Variants in CAPS2 observed in about 807,000 individuals in gnomAD.
CAPS2 encodes calcyphosine 2.
Under a neutral mutation model 86.5 loss-of-function variants are expected in CAPS2, and 98 were observed. That is an observed-to-expected ratio of 1.13 (90% confidence interval 0.96 to 1.34). The LOEUF is 1.34. CAPS2 is among the 40% of genes most tolerant of loss of function. The pLI is 0.00. For synonymous variants in CAPS2, 210 were observed against 225.1 expected, an observed-to-expected ratio of 0.93 and a Z score of 0.60; for missense variants, 729 against 686.8, an observed-to-expected ratio of 1.06 and a Z score of -0.69.
intron 7 of CAPS2, among the ~76,000 whole-genome samples, chr12:75,312,354 T>C (rs2039324237): frequency 6.6e-6 from 1 of 152,206 alleles, no homozygotes; most frequent in Non-Finnish European, 1.5e-5. Context: ...GACAGCACAC[T>C]ATACTCCTTC....
intron 7 of CAPS2, chr12:75,306,299 C>T: frequency 1.7e-6 from 1 of 597,060 alleles, no homozygotes. Context: ...TGGAGGAGGC[C>T]AGAGCTCTGC....
chr12:75,309,470 C>A (rs978186555), intron 7 of CAPS2, among the ~76,000 whole-genome samples: 15 of 152,218 alleles, frequency 9.9e-5, no homozygotes, highest in African/African-American at 3.6e-4. Context: ...CCTGTACACA[C>A]CTTTTAACAA....
intron 7 of CAPS2, chr12:75,305,866 C>T (rs1478925713): frequency 3.9e-6 from 3 of 766,814 alleles, no homozygotes; most frequent in Non-Finnish European, 7.1e-6. Flanking sequence ...TCGGGATGCA[C>T]CGCAGAGGCT....
chr12:75,287,364 G>C (rs1180265739), intron 14 of CAPS2, among the ~76,000 whole-genome samples: 1 of 151,802 alleles, frequency 6.6e-6, no homozygotes, highest in Non-Finnish European at 1.5e-5. Flanking sequence ...TTGTCTAATT[G>C]TAGGCCATAA....
At chr12:75,302,900 A>C (rs2037987562) in intron 8 of CAPS2, among the ~76,000 whole-genome samples, 1 of 152,230 alleles carries the variant, frequency 6.6e-6, no homozygotes, top group Non-Finnish European at 1.5e-5. Flanking sequence ...TGGTGCAACA[A>C]GAACACTCAT....
At chr12:75,350,719 A>T (rs980013908) in intron 1 of CAPS2, among the ~76,000 whole-genome samples, 29 of 152,342 alleles carry the variant, frequency 1.9e-4, no homozygotes, top group African/African-American at 7.0e-4. Context: ...TCAAAGGTAG[A>T]TAAACCCTTG....
chr12:75,356,207 G>T (rs754099373), intron 1 of CAPS2, among the ~76,000 whole-genome samples: 1 of 151,962 alleles, frequency 6.6e-6, no homozygotes, highest in East Asian at 1.9e-4. Flanking sequence ...TGGACATAAT[G>T]CAAAAGAAGC....
chr12:75,346,896 T>C (rs1349589864), intron 1 of CAPS2, among the ~76,000 whole-genome samples: 2 of 152,160 alleles, frequency 1.3e-5, no homozygotes, highest in East Asian at 3.8e-4. Flanking sequence ...TGAATTATTT[T>C]TCAAATGGAG....
chr12:75,323,541 C>T (rs745899886), intron 2 of CAPS2, among the ~76,000 whole-genome samples: 7 of 152,208 alleles, frequency 4.6e-5, no homozygotes, highest in South Asian at 2.1e-4. Flanking sequence ...GTCGGGAGAT[C>T]GAGACCAGCC....
intron 7 of CAPS2, chr12:75,305,323 G>A: frequency 3.6e-6 from 1 of 280,970 alleles, no homozygotes; most frequent in South Asian, 5.6e-5. Context: ...CATCCTAGAA[G>A]AGGAGATATT....
chr12:75,380,805 A>G (rs2044921833), intron 1 of CAPS2, among the ~76,000 whole-genome samples: 1 of 152,164 alleles, frequency 6.6e-6, no homozygotes, highest in Non-Finnish European at 1.5e-5. Context: ...AGCTAAACAT[A>G]TTTTCATAAA....
At chr12:75,388,984 T>TA (rs887699599) in intron 1 of CAPS2, among the ~76,000 whole-genome samples, 35 of 151,784 alleles carry the variant, frequency 2.3e-4, no homozygotes, top group Middle Eastern at 3.4e-3. Flanking sequence ...AAGGAATTGG[T>TA]AAAAAAAACA....
intron 1 of CAPS2, among the ~76,000 whole-genome samples, chr12:75,340,202 G>A (rs1237437726): frequency 1.3e-5 from 2 of 150,390 alleles, no homozygotes; most frequent in East Asian, 1.9e-4. Flanking sequence ...TAACTTATTG[G>A]TTGATGGGCA....
chr12:75,334,533 T>A, upstream of CAPS2: 1 of 1,394,244 alleles, frequency 7.2e-7, no homozygotes, highest in Non-Finnish European at 9.3e-7. Context: ...GCTCAGAGCT[T>A]TGTGGAAGGG....
At chr12:75,329,146 C>CA (rs1420137682), upstream of CAPS2, among the ~76,000 whole-genome samples, 1 of 152,174 alleles carries the variant, frequency 6.6e-6, no homozygotes, top group East Asian at 1.9e-4. Context: ...ACTACATCCT[C>CA]ACTGGTAAAG....
chr12:75,330,601 A>G (rs138196733), upstream of CAPS2, among the ~76,000 whole-genome samples: 315 of 152,330 alleles, frequency 2.1e-3, 1 homozygote, highest in Non-Finnish European at 4.0e-3. Flanking sequence ...TATATTATAT[A>G]GAGATACATA....
At chr12:75,288,610 T>C (rs959470879) in intron 14 of CAPS2, among the ~76,000 whole-genome samples, 3 of 152,222 alleles carry the variant, frequency 2.0e-5, no homozygotes, top group African/African-American at 7.2e-5. Flanking sequence ...TTGAGACAAA[T>C]GTGGTTCATA....
intron 1 of CAPS2, among the ~76,000 whole-genome samples, chr12:75,359,614 G>A (rs1419786852): frequency 6.6e-6 from 1 of 151,884 alleles, no homozygotes; most frequent in Non-Finnish European, 1.5e-5. Context: ...CAACATTGTG[G>A]TATTTGCATA....
chr12:75,326,770 A>C (rs1420319044), upstream of CAPS2, among the ~76,000 whole-genome samples: 3 of 152,184 alleles, frequency 2.0e-5, no homozygotes, highest in African/African-American at 7.2e-5. Context: ...CTTACATGGC[A>C]AAAAGGACTT....
Sources: gnomAD v4.1 joint callset for allele counts (sites outside exome capture counted in the v4.1 genomes callset) on GRCh38, gnomAD v4.1.1 for gene constraint, MANE v1.5 for transcripts, NCBI Gene and HGNC (gene_info 2026-07-23, HGNC 2026-07-21) for gene names.